Variants in TBL1X observed in about 807,000 individuals in gnomAD.
TBL1X encodes the protein transducin beta like 1 X-linked.
A neutral mutation model predicts 50.7 loss-of-function variants in TBL1X; 10 were observed. The ratio of observed to expected loss-of-function variants is 0.20; its 90% CI spans 0.12 to 0.33. TBL1X has a LOEUF of 0.33. TBL1X is among the 10% of genes least tolerant of loss of function. The pLI, the probability that TBL1X is intolerant of heterozygous loss-of-function variation, is 1.00. For missense variants in TBL1X, 340 were observed against 504.4 expected (o/e 0.67, Z 3.12); for synonymous variants, 190 against 214.7 (o/e 0.88, Z 1.01).
chrX:9,679,504 G>A (rs1027165534), intron 5 of TBL1X, among the ~76,000 whole-genome samples: 2 of 111,920 alleles, frequency 1.8e-5, no homozygotes, highest in African/African-American at 6.5e-5. Context: ...TGACACCAAG[G>A]ACACTAACCC....
At chrX:9,499,125 G>A (rs1407621517) in intron 1 of TBL1X, among the ~76,000 whole-genome samples, 1 of 111,823 alleles carries the variant, frequency 8.9e-6, no homozygotes, top group East Asian at 2.8e-4. Flanking sequence ...CATTAACATG[G>A]TGCAATAGAG....
rs2083071106 is a variant in TBL1X at position 9,688,013 on chromosome X, C to G, written c.358-4C>G. 4 of 1,201,484 alleles carry G rather than the reference C, an allele frequency of 3.3e-6. No homozygotes were observed. The highest frequency in any genetic ancestry group is 4.5e-6 in the Non-Finnish European group (4 of 889,851). ...GACAGCTGTACCTTGGCTTGCTTCCCCAGGATGGCACAGTGTTCGACGGCC... is the reference window on the plus strand; with the variant it reads ...GACAGCTGTACCTTGGCTTGCTTCCGCAGGATGGCACAGTGTTCGACGGCC... On this transcript the variant is annotated splice_polypyrimidine_tract_variant and splice_region_variant and intron_variant, in intron 6 of 17. Transcript: ENST00000645353.
chrX:9,596,359 G>C (rs1192547693), intron 2 of TBL1X, among the ~76,000 whole-genome samples: 1 of 112,058 alleles, frequency 8.9e-6, no homozygotes, highest in Non-Finnish European at 1.9e-5. Context: ...AGAAAACAAG[G>C]GGTCAGCAAA....
intron 16 of TBL1X, among the ~76,000 whole-genome samples, chrX:9,713,122 A>T (rs895759672): frequency 2.1e-4 from 23 of 110,499 alleles, no homozygotes; most frequent in African/African-American, 7.6e-4. Flanking sequence ...CTTCCCAGGG[A>T]CCTCATGTGA....
At chrX:9,566,716 G>T (rs1361788055) in intron 2 of TBL1X, among the ~76,000 whole-genome samples, 3 of 106,774 alleles carry the variant, frequency 2.8e-5, no homozygotes, top group African/African-American at 1.0e-4. Context: ...GCACCCTTTG[G>T]ATGCATTCCA....
At chrX:9,479,302 C>T (rs1298447466) in intron 1 of TBL1X, among the ~76,000 whole-genome samples, 3 of 111,916 alleles carry the variant, frequency 2.7e-5, no homozygotes, top group Non-Finnish European at 3.8e-5. Context: ...AAAAATTAGC[C>T]GGGTGTGGTA....
chrX:9,534,059 G>T (rs979488980), intron 2 of TBL1X, among the ~76,000 whole-genome samples: 3 of 111,669 alleles, frequency 2.7e-5, no homozygotes, highest in Non-Finnish European at 5.7e-5. Context: ...GAGAAGGGTT[G>T]CCCAGGAGCC....
At chrX:9,623,211 A>G (rs1389025814) in intron 2 of TBL1X, among the ~76,000 whole-genome samples, 2 of 112,218 alleles carry the variant, frequency 1.8e-5, no homozygotes, top group African/African-American at 3.2e-5. Context: ...GATATTTTTA[A>G]TATTTTCAGA....
chrX:9,653,644 G>A lies in TBL1X; in HGVS notation c.58G>A (p.Ala20Thr), dbSNP rs200509173. 8.5e-7 allele frequency: 1 copy of A among 1,172,211 alleles called. No individual in the cohort carries two copies. The highest frequency in any genetic ancestry group is 1.8e-5 in the African/African-American group (1 of 56,122). Residue 20 changes from alanine (A) to threonine (T), a missense_variant, in exon 4 of 18, where the codon GCC becomes ACC. Ala to Thr is a moderately conservative substitution (Grantham distance 58). Around this residue, in one of 6 missense-constraint regions of TBL1X, gnomAD observed 41 missense variants for 48.6 expected, o/e 0.84. Transcript: ENST00000645353. The stretch of plus-strand genomic sequence containing the variant: ...CTGCCACCGCCCTGCAGGAAGAGGG[G>A]CCATGCAGTCAGTCTTGCACCACTT... ...SCCHRPAGRG[A>T]MQSVLHHFQR...
rs186468482 is a variant in TBL1X, at chrX:9,535,782, G to A, written c.-131+33933G>A. Among the ~76,000 whole-genome samples the A allele has an allele frequency of 1.1e-3, 124 of 112,078 alleles. 1 individual carries two copies. Among genetic ancestry groups the A allele is most frequent in the Non-Finnish European group, 1.5e-3 (79 of 53,225 alleles). Reference sequence around the variant, plus strand: ...CCTCTCTACTTGATTACTCTGAAAAGAGTGTATAGAGTGAGTTTTTAAAAT... The same window carrying A: ...CCTCTCTACTTGATTACTCTGAAAAAAGTGTATAGAGTGAGTTTTTAAAAT... On this transcript the variant is annotated intron_variant, in intron 2 of 17. Transcript: ENST00000645353.
chrX:9,592,071 G>C (rs577100814), intron 2 of TBL1X, among the ~76,000 whole-genome samples: 1 of 111,977 alleles, frequency 8.9e-6, no homozygotes, highest in East Asian at 2.8e-4. Flanking sequence ...TTACATTTTC[G>C]TATCTGTTGA....
At chrX:9,685,320 T>TCA (rs960127867) in intron 6 of TBL1X, among the ~76,000 whole-genome samples, 1 of 111,997 alleles carries the variant, frequency 8.9e-6, no homozygotes, top group African/African-American at 3.3e-5. Flanking sequence ...AGACTGAGTC[T>TCA]CACACTGTTG....
At chrX:9,551,975 C>T (rs554772561) in intron 2 of TBL1X, among the ~76,000 whole-genome samples, 7 of 111,866 alleles carry the variant, frequency 6.3e-5, no homozygotes, top group Admixed American at 9.5e-5. Flanking sequence ...CCTGCAGGAC[C>T]GGCTGCAAAG....
chrX:9,676,284 A>C (rs775615094), intron 5 of TBL1X, among the ~76,000 whole-genome samples: 7 of 111,611 alleles, frequency 6.3e-5, no homozygotes, highest in African/African-American at 2.3e-4. Context: ...CTCCACTACA[A>C]TTCTCTGTGA....
chrX:9,698,317 C>T (rs1386736646), intron 12 of TBL1X, among the ~76,000 whole-genome samples: 2 of 111,249 alleles, frequency 1.8e-5, no homozygotes, highest in Non-Finnish European at 3.8e-5. Flanking sequence ...TCCCTGAAAC[C>T]ACTCCCAGGA....
rs774181046 is a variant in TBL1X at position 9,546,803 on chromosome X, A to ATTTTT, written c.-131+44983_-131+44987dup. Among the ~76,000 whole-genome samples, 48 of 44,991 alleles carry ATTTTT rather than the reference A, an allele frequency of 1.1e-3. 1 individual carries two copies. Among genetic ancestry groups the ATTTTT allele is most frequent in the East Asian group, 1.6e-3 (2 of 1,270 alleles). The allele number at this position is 44,991 out of a possible 115,157, so 39.1% of individuals were successfully genotyped here. A position where few individuals can be genotyped will look rare whatever the true frequency, so the allele number is the denominator to read the frequency against. ...ATCACTATGGATTCATTTATTCTTA[A>ATTTTT]TTTTTTTTTTTTTTTTTTTTTTTTT... is the stretch of plus-strand genomic sequence containing the variant. On this transcript the variant is annotated intron_variant, in intron 2 of 17. Transcript: ENST00000645353.
At chrX:9,502,101 C>T (rs1213013921) in intron 2 of TBL1X, among the ~76,000 whole-genome samples, 1 of 112,730 alleles carries the variant, frequency 8.9e-6, no homozygotes, top group African/African-American at 3.2e-5. Context: ...CACTGGATTT[C>T]AAAGACTTAG....
chrX:9,495,540 C>T (rs1461211836), intron 1 of TBL1X, among the ~76,000 whole-genome samples: 3 of 111,325 alleles, frequency 2.7e-5, no homozygotes, highest in African/African-American at 9.8e-5. Flanking sequence ...GGAAAATACA[C>T]AGTGAGGCTT....
intron 5 of TBL1X, among the ~76,000 whole-genome samples, chrX:9,682,823 TAG>T (rs1337182127): frequency 1.8e-5 from 2 of 111,188 alleles, no homozygotes; most frequent in African/African-American, 3.3e-5. Context: ...ACCAGGGAGG[TAG>T]AGTGGCTGCT....
Sources: gnomAD v4.1 joint callset for allele counts (sites outside exome capture counted in the v4.1 genomes callset) on GRCh38, gnomAD v4.1.1 for gene constraint, gnomAD v4.1.1 regional missense constraint, MANE v1.5 for transcripts, NCBI Gene and HGNC (gene_info 2026-07-23, HGNC 2026-07-21) for gene names.